FAM13A: variants seen among roughly 807,000 people sequenced by gnomAD.
The protein encoded by FAM13A is protein FAM13A.
A neutral mutation model predicts 129.6 loss-of-function variants in FAM13A; 76 were observed. That is an observed-to-expected ratio of 0.59 (90% confidence interval 0.49 to 0.71). The LOEUF (loss-of-function observed/expected upper bound fraction) is 0.71, where lower values mean the gene tolerates loss of function less well. FAM13A is among the 30% of genes least tolerant of loss of function. The probability of loss-of-function intolerance (pLI) is 0.00; values close to 1 mark genes in which losing one functional copy is unlikely to be tolerated. For missense variants in FAM13A, 1,108 were observed against 1,249.3 expected (o/e 0.89, Z 1.70); for synonymous variants, 443 against 449.9 (o/e 0.98, Z 0.20).
intron 6 of FAM13A, among the ~76,000 whole-genome samples, chr4:88,862,533 A>T (rs889098259): frequency 2.6e-5 from 4 of 152,222 alleles, no homozygotes; most frequent in Non-Finnish European, 5.9e-5. Context: ...TATAACAGTT[A>T]TTATGTCCAT....
chr4:88,971,665 C>T (rs1040639170), intron 4 of FAM13A, among the ~76,000 whole-genome samples: 2 of 152,114 alleles, frequency 1.3e-5, no homozygotes, highest in African/African-American at 4.8e-5. Flanking sequence ...CACCACCACA[C>T]CCAGCTTTGT....
chr4:88,877,141 G>A (rs1742668890), intron 6 of FAM13A, among the ~76,000 whole-genome samples: 2 of 152,096 alleles, frequency 1.3e-5, no homozygotes, highest in South Asian at 4.1e-4. Context: ...TCATATACAA[G>A]TTTTAATTAT....
chr4:88,919,723 C>T lies in FAM13A; in HGVS notation c.760-13261G>A, dbSNP rs180770513. Among the ~76,000 whole-genome samples the T allele has an allele frequency of 1.5e-3, 231 of 152,248 alleles. 2 individuals carry two copies. The highest frequency in any genetic ancestry group is 4.4e-3 in the African/African-American group (181 of 41,542). On this transcript the variant is annotated intron_variant, in intron 5 of 23. Coordinates refer to ENST00000264344, the MANE Select transcript of FAM13A (RefSeq NM_014883.4). Reference sequence around the variant, plus strand: ...AGGACAGTGGGTGCAGCACACCATGCGCGAGCTGAAGCAGGGCAAGGCATT... The same window carrying T: ...AGGACAGTGGGTGCAGCACACCATGTGCGAGCTGAAGCAGGGCAAGGCATT...
At chr4:89,010,542 C>T (rs1765597343) in intron 3 of FAM13A, among the ~76,000 whole-genome samples, 1 of 152,168 alleles carries the variant, frequency 6.6e-6, no homozygotes, top group South Asian at 2.1e-4. Flanking sequence ...AAAGGTGCTA[C>T]CCTGTGTACA....
At chr4:88,832,042 T>C (rs1275404768) in intron 7 of FAM13A, among the ~76,000 whole-genome samples, 1 of 151,994 alleles carries the variant, frequency 6.6e-6, no homozygotes, top group South Asian at 2.1e-4. Flanking sequence ...AACAGACAAA[T>C]AGACCAATGG....
At chr4:88,835,242 C>G (rs60955950) in intron 7 of FAM13A, among the ~76,000 whole-genome samples, 37,180 of 152,018 alleles carry the variant, frequency 0.24, 5,225 homozygotes, top group South Asian at 0.52. Context: ...TTTCTCCTAG[C>G]CTGGAATATC....
At chr4:88,815,133 G>A (rs1405129288) in intron 7 of FAM13A, among the ~76,000 whole-genome samples, 1 of 152,014 alleles carries the variant, frequency 6.6e-6, no homozygotes, top group African/African-American at 2.4e-5. Flanking sequence ...GTGTGCCACC[G>A]CACCCAGCTT....
At chr4:88,760,603 C>CAAAAAAAAAAAAAAAAAAAAAA (rs745711965) in intron 13 of FAM13A, among the ~76,000 whole-genome samples, 1 of 65,840 alleles carries the variant, frequency 1.5e-5, no homozygotes, top group Non-Finnish European at 2.6e-5. Context: ...GACTCCGTCT[C>CAAAAAAAAAAAAAAAAAAAAAA]AAAAAAAAAA....
intron 6 of FAM13A, among the ~76,000 whole-genome samples, chr4:88,852,877 A>T (rs1737849170): frequency 6.6e-6 from 1 of 152,200 alleles, no homozygotes; most frequent in African/African-American, 2.4e-5. Flanking sequence ...TGAAGATTAT[A>T]TAAAAACAAT....
intron 4 of FAM13A, among the ~76,000 whole-genome samples, chr4:88,938,946 G>A (rs567389230): frequency 6.6e-6 from 1 of 152,210 alleles, no homozygotes; most frequent in Non-Finnish European, 1.5e-5. Flanking sequence ...AGAGACAAAA[G>A]ACATGAGTTG....
intron 7 of FAM13A, among the ~76,000 whole-genome samples, chr4:88,845,564 T>G (rs980819877): frequency 2.0e-5 from 3 of 151,944 alleles, no homozygotes; most frequent in African/African-American, 7.3e-5. Flanking sequence ...CAAGAATCTG[T>G]GAAGCACCAC....
intron 8 of FAM13A, among the ~76,000 whole-genome samples, chr4:88,800,204 T>C (rs2904251): frequency 7.9e-5 from 12 of 152,026 alleles, no homozygotes; most frequent in African/African-American, 2.2e-4. Context: ...TTTTACAAGA[T>C]GCAAAGAGTT....
intron 6 of FAM13A, among the ~76,000 whole-genome samples, chr4:88,883,400 C>G (rs1347698191): frequency 2.6e-5 from 4 of 152,026 alleles, no homozygotes; most frequent in African/African-American, 9.7e-5. Context: ...TAACAATCTG[C>G]TCCTGAATGA....
At chr4:88,805,092 T>C (rs779525619) in intron 7 of FAM13A, 40 bp from the exon 8 acceptor site, 1 of 1,033,432 alleles carries the variant, frequency 9.7e-7, no homozygotes, top group Non-Finnish European at 1.5e-6. Context: ...TAATGTCTGT[T>C]AATATGACAT....
At chr4:89,056,869 C>G (rs1772251556) in intron 1 of FAM13A, 69 bp downstream of exon 1, 2 of 1,447,424 alleles carry the variant, frequency 1.4e-6, no homozygotes, top group South Asian at 2.4e-5. Flanking sequence ...CTCATCAAAA[C>G]AAGGAAGGCA....
intron 3 of FAM13A, among the ~76,000 whole-genome samples, chr4:89,015,817 T>A (rs942928692): frequency 2.0e-5 from 3 of 152,164 alleles, no homozygotes; most frequent in African/African-American, 7.2e-5. Context: ...CATATACATA[T>A]ATACGTGTAT....
chr4:88,966,688 T>G (rs1231659070), intron 4 of FAM13A, among the ~76,000 whole-genome samples: 1 of 152,194 alleles, frequency 6.6e-6, no homozygotes, highest in African/African-American at 2.4e-5. Context: ...GTCCATAGAA[T>G]AGTTCTATTC....
intron 14 of FAM13A, among the ~76,000 whole-genome samples, chr4:88,756,124 TA>T (rs1743573614): frequency 6.6e-6 from 1 of 152,232 alleles, no homozygotes; most frequent in East Asian, 1.9e-4. Flanking sequence ...AATAGTACAT[TA>T]AATCTGTATA....
chr4:88,945,990 G>GTGTATGTATATATATATA, intron 4 of FAM13A, among the ~76,000 whole-genome samples: 1 of 61,966 alleles, frequency 1.6e-5, no homozygotes, highest in African/African-American at 8.6e-5. Context: ...GTGTGTGTGT[G>GTGTATGTATATATATATA]TATATATATA....
Sources: allele counts gnomAD v4.1 joint callset (sites outside exome capture counted in the v4.1 genomes callset), GRCh38; gene constraint gnomAD v4.1.1; transcripts MANE v1.5; gene names NCBI Gene and HGNC (gene_info 2026-07-23, HGNC 2026-07-21).